The following EXOC2 variants were observed in gnomAD, a reference collection of about 807,000 sequenced individuals.
EXOC2 encodes exocyst complex component 2, also known as SEC5-like 1.
EXOC2 carries 70 observed loss-of-function variants against 131.8 expected under a neutral mutation model. That is an observed-to-expected ratio of 0.53 (90% CI 0.44 to 0.65). The LOEUF is 0.65. Among genes scored for constraint, EXOC2 ranks in the 30% least tolerant of loss-of-function variants. The probability of loss-of-function intolerance (pLI) is 0.00; values close to 1 mark genes in which losing one functional copy is unlikely to be tolerated. For missense variants in EXOC2, 923 were observed against 1,108.6 expected, an observed-to-expected ratio of 0.83 and a Z score of 2.38; for synonymous variants, 411 against 398.4, an observed-to-expected ratio of 1.03 and a Z score of -0.38.
intron 23 of EXOC2, among the ~76,000 whole-genome samples, chr6:513,009 A>C (rs1764936368): frequency 6.6e-6 from 1 of 152,240 alleles, no homozygotes; most frequent in East Asian, 1.9e-4. Context: ...TATTTTCAAC[A>C]ATGGACGCTT....
chr6:653,108 G>C (rs1050894245), intron 1 of EXOC2, among the ~76,000 whole-genome samples: 4 of 152,108 alleles, frequency 2.6e-5, no homozygotes, highest in Non-Finnish European at 5.9e-5. Context: ...GTGTGTGACT[G>C]TTCCACCAAC....
chr6:557,956 G>A (rs558116676), intron 17 of EXOC2, among the ~76,000 whole-genome samples: 2 of 152,142 alleles, frequency 1.3e-5, no homozygotes, highest in African/African-American at 4.8e-5. Context: ...CAAGAGCAGC[G>A]TGTCAGAACC....
intron 11 of EXOC2, among the ~76,000 whole-genome samples, chr6:581,768 TA>T (rs966076581): frequency 6.5e-4 from 99 of 152,012 alleles, no homozygotes; most frequent in Non-Finnish European, 1.1e-3. Context: ...CACTTAACAT[TA>T]AAAAAAAGAC....
chr6:488,057 G>A (rs1429326059), intron 27 of EXOC2, among the ~76,000 whole-genome samples: 1 of 152,242 alleles, frequency 6.6e-6, no homozygotes, highest in African/African-American at 2.4e-5. Flanking sequence ...AAGGAAGAAA[G>A]GGCTGATTGT....
intron 10 of EXOC2, among the ~76,000 whole-genome samples, chr6:593,256 C>T (rs1759640761): frequency 6.6e-6 from 1 of 151,998 alleles, no homozygotes; most frequent in Non-Finnish European, 1.5e-5. Context: ...TGGGAGCCAG[C>T]AGATACTGGG....
chr6:689,531 T>C (rs960035985), intron 1 of EXOC2, among the ~76,000 whole-genome samples: 1 of 152,202 alleles, frequency 6.6e-6, no homozygotes, highest in Non-Finnish European at 1.5e-5. Context: ...ATCAAGCTCT[T>C]ATCATCAAAG....
chr6:534,695 C>A (rs562013809), intron 22 of EXOC2, among the ~76,000 whole-genome samples: 3 of 152,278 alleles, frequency 2.0e-5, no homozygotes, highest in East Asian at 3.9e-4. Flanking sequence ...GAGTATTTCA[C>A]CCATGTAATG....
At chr6:600,037 T>C (rs1423694356) in intron 7 of EXOC2, among the ~76,000 whole-genome samples, 4 of 152,196 alleles carry the variant, frequency 2.6e-5, no homozygotes, top group Non-Finnish European at 5.9e-5. Context: ...GTTTGATCGC[T>C]GCTTGTAAAA....
At chr6:554,389 G>A (rs1757308949) in intron 20 of EXOC2, among the ~76,000 whole-genome samples, 1 of 152,128 alleles carries the variant, frequency 6.6e-6, no homozygotes, top group Non-Finnish European at 1.5e-5. Context: ...GCTCGAAGAA[G>A]GTACTATGGA....
chr6:546,894 G>T (rs964960405), intron 22 of EXOC2, among the ~76,000 whole-genome samples: 15 of 152,210 alleles, frequency 9.9e-5, no homozygotes, highest in Non-Finnish European at 2.9e-5. Flanking sequence ...CAGGGGGTTG[G>T]CACCCCAACC....
In EXOC2 at chr6:619,537, T is replaced by A; in HGVS notation, c.429A>T (p.Lys143Asn). The change falls in exon 5 of 28, where the codon AAA becomes AAT. Residue 143 changes from lysine (K) to asparagine (N), a missense_variant. Lys to Asn is a moderately conservative substitution (Grantham distance 94). Transcript: ENST00000230449. Reference protein sequence around the residue: ...NPLGIEIEKSKFSQKDLEMLF... With the variant: ...NPLGIEIEKSNFSQKDLEMLF... ...GCATTTCTAAGTCCTTCTGCGAAAA[T>A]TTACTTCTGAGGGGAAAAAACGTTT... 6.2e-7 allele frequency: 1 copy of A among 1,612,500 alleles called. No homozygotes were observed.
At chr6:524,435 A>G (rs1428442602) in intron 23 of EXOC2, 1 of 152,230 alleles carries the variant, frequency 6.6e-6, no homozygotes, top group Non-Finnish European at 1.5e-5. Context: ...GTCATAATGA[A>G]TTAGTGTTCC....
Position 619,489 on chromosome 6 carries a change from A to G in EXOC2, c.477T>C (p.Asp159=), listed in dbSNP as rs1761176233. 1 of 1,614,116 alleles carries G rather than the reference A, an allele frequency of 6.2e-7. No homozygotes were observed. The highest frequency in any genetic ancestry group is 1.3e-5 in the African/African-American group (1 of 75,050). The change falls in exon 5 of 28, where the codon GAT becomes GAC. Residue 159 remains aspartate (D), a synonymous_variant. Coordinates refer to ENST00000230449, the MANE Select transcript of EXOC2 (RefSeq NM_018303.6). ...CTGCTGAGAAATTCTCACTTGTAAA[A>G]TCAGCACTCATTCCATGGAATAGCA... is the stretch of plus-strand genomic sequence containing the variant. ...LEMLFHGMSA[D]FTSENFSAAW...
intron 23 of EXOC2, among the ~76,000 whole-genome samples, chr6:503,192 G>T (rs1396893836): frequency 1.3e-5 from 2 of 151,412 alleles, no homozygotes; most frequent in Non-Finnish European, 2.9e-5. Context: ...TACCGATTGG[G>T]CTGAAATTGT....
chr6:670,435 A>G lies in EXOC2; in HGVS notation c.-44+22584T>C, dbSNP rs2127774599. 3 of 152,218 alleles carry G rather than the reference A, an allele frequency of 2.0e-5. No homozygotes were observed. In the Middle Eastern group the frequency reaches 0.01, roughly 518 times the overall value. The allele number at this position is 152,218 out of a possible 1,614,324, so 9.4% of individuals were successfully genotyped here. ...AGAAATGGACCAATCACAGCTGAGG[A>G]TAATCCACTGTGGTTTTCTCATTTT... is the stretch of plus-strand genomic sequence containing the variant. On this transcript the variant is annotated intron_variant, in intron 1 of 27. Transcript: ENST00000230449.
At chr6:623,973 A>G (rs1761426799) in intron 4 of EXOC2, among the ~76,000 whole-genome samples, 1 of 152,216 alleles carries the variant, frequency 6.6e-6, no homozygotes, top group African/African-American at 2.4e-5. Context: ...TGACTGACTC[A>G]ACCAACCTTT....
At chr6:668,954 T>A (rs757177545) in intron 1 of EXOC2, 1 of 152,232 alleles carries the variant, frequency 6.6e-6, no homozygotes, top group Non-Finnish European at 1.5e-5. Context: ...GCAGAACCCA[T>A]GGATATGGAG....
At chr6:680,428 T>C (rs934547555) in intron 1 of EXOC2, among the ~76,000 whole-genome samples, 1 of 152,218 alleles carries the variant, frequency 6.6e-6, no homozygotes, top group Non-Finnish European at 1.5e-5. Context: ...AGGGGTCAAT[T>C]ATCCTGAGAA....
chr6:486,693 G>T lies in EXOC2; in HGVS notation c.2753C>A (p.Ser918Tyr). The change falls in exon 28 of 28, where the codon TCT becomes TAT. Residue 918 changes from serine (S) to tyrosine (Y), a missense_variant. Coordinates refer to ENST00000230449, the MANE Select transcript of EXOC2 (RefSeq NM_018303.6). ...TATTTATGTTTTCATCATGGTTGAA[G>T]AAGCTGCTTGGAAACAGGTGAGCTG... ...HLQLTCFQAASSTMMKT is the reference protein window; with the variant it reads ...HLQLTCFQAAYSTMMKT The T allele has an allele frequency of 3.1e-6, 5 of 1,614,154 alleles. No homozygotes were observed. The highest frequency in any genetic ancestry group is 4.2e-6 in the Non-Finnish European group (5 of 1,180,010).
Sources: gnomAD v4.1 joint callset for allele counts (sites outside exome capture counted in the v4.1 genomes callset) on GRCh38, gnomAD v4.1.1 for gene constraint, MANE v1.5 for transcripts, NCBI Gene and HGNC (gene_info 2026-07-23, HGNC 2026-07-21) for gene names.